Variants in CCDC192 observed in about 807,000 individuals in gnomAD.
CCDC192 encodes coiled-coil domain containing 192.
chr5:127,737,027 G>A (rs1390815172), intron 2 of CCDC192, among the ~76,000 whole-genome samples: 5 of 151,212 alleles, frequency 3.3e-5, no homozygotes, highest in Non-Finnish European at 5.9e-5. Flanking sequence ...ATGTTAGGGT[G>A]TCAATTTTGG....
intron 5 of CCDC192, among the ~76,000 whole-genome samples, chr5:127,843,568 G>T (rs1247888269): frequency 1.3e-5 from 2 of 151,826 alleles, no homozygotes; most frequent in Admixed American, 6.6e-5. Context: ...CTCCCGAGTA[G>T]CTGGTATTAC....
At chr5:127,851,005 G>A (rs1307005750) in intron 5 of CCDC192, among the ~76,000 whole-genome samples, 1 of 152,014 alleles carries the variant, frequency 6.6e-6, no homozygotes, top group African/African-American at 2.4e-5. Context: ...AGCATCAGAA[G>A]CAGAGGTTGC....
chr5:127,842,923 A>T (rs992166056), intron 5 of CCDC192, among the ~76,000 whole-genome samples: 1 of 151,994 alleles, frequency 6.6e-6, no homozygotes, highest in Non-Finnish European at 1.5e-5. Context: ...CTTCCTGGAC[A>T]TACTGCCTAT....
At chr5:127,917,186 T>C (rs1222065329) in intron 6 of CCDC192, among the ~76,000 whole-genome samples, 2 of 152,236 alleles carry the variant, frequency 1.3e-5, no homozygotes, top group East Asian at 3.8e-4. Context: ...CTTCCTCACC[T>C]CTCTCAGCCT....
intron 2 of CCDC192, among the ~76,000 whole-genome samples, chr5:127,719,548 T>TACACACAC (rs1561445038): frequency 5.5e-5 from 2 of 36,404 alleles, no homozygotes; most frequent in South Asian, 8.2e-4. Flanking sequence ...TATATATATA[T>TACACACAC]ATATATATAT....
chr5:127,917,011 T>C (rs1468559788), intron 6 of CCDC192, among the ~76,000 whole-genome samples: 3 of 152,248 alleles, frequency 2.0e-5, no homozygotes, highest in African/African-American at 7.2e-5. Context: ...TGTTCTTTAG[T>C]GTAGCCTCCT....
intron 3 of CCDC192, among the ~76,000 whole-genome samples, chr5:127,781,775 A>G (rs1756240468): frequency 6.6e-6 from 1 of 152,114 alleles, no homozygotes; most frequent in African/African-American, 2.4e-5. Flanking sequence ...CAATCATGTC[A>G]TCAGCCAACA....
At chr5:127,831,890 A>G (rs193244112) in intron 5 of CCDC192, among the ~76,000 whole-genome samples, 1 of 152,242 alleles carries the variant, frequency 6.6e-6, no homozygotes, top group East Asian at 1.9e-4. Context: ...TACAAGGAAA[A>G]TCAAAACATT....
At chr5:127,777,892 ACCT>A (rs1001138411) in intron 3 of CCDC192, among the ~76,000 whole-genome samples, 2 of 145,868 alleles carry the variant, frequency 1.4e-5, no homozygotes, top group African/African-American at 5.1e-5. Context: ...AGTACATGAA[ACCT>A]CCTTTTTTTT....
chr5:127,788,486 TTTAA>T (rs1756689298), intron 3 of CCDC192, among the ~76,000 whole-genome samples: 2 of 152,216 alleles, frequency 1.3e-5, no homozygotes, highest in African/African-American at 4.8e-5. Flanking sequence ...AGTTTCTGTC[TTTAA>T]TTGGGAGTCA....
chr5:127,721,654 T>G (rs925828501), intron 2 of CCDC192, among the ~76,000 whole-genome samples: 10 of 152,214 alleles, frequency 6.6e-5, no homozygotes. Flanking sequence ...ATTTTCTGCA[T>G]TAGTCCATTC....
chr5:127,803,217 G>A (rs552271248), intron 5 of CCDC192, among the ~76,000 whole-genome samples: 6 of 152,116 alleles, frequency 3.9e-5, no homozygotes, highest in Non-Finnish European at 8.8e-5. Context: ...GGAGATGAAA[G>A]CCTTAACATT....
intron 6 of CCDC192, among the ~76,000 whole-genome samples, chr5:127,918,391 C>T (rs1282430718): frequency 6.6e-6 from 1 of 152,064 alleles, no homozygotes; most frequent in East Asian, 1.9e-4. Flanking sequence ...ATTATTGACA[C>T]AAACCATGTT....
At chr5:127,836,483 A>G (rs1013327942) in intron 5 of CCDC192, among the ~76,000 whole-genome samples, 13 of 152,168 alleles carry the variant, frequency 8.5e-5, no homozygotes, top group Admixed American at 5.9e-4. Flanking sequence ...GGGGGCTCCA[A>G]TCCCACATTT....
At chr5:127,717,928 CAAAAAAAA>C in intron 2 of CCDC192, among the ~76,000 whole-genome samples, 5 of 98,054 alleles carry the variant, frequency 5.1e-5, no homozygotes, top group Non-Finnish European at 8.2e-5. Flanking sequence ...TAAAGCTAGA[CAAAAAAAA>C]AAAAAAAAAG....
intron 2 of CCDC192, among the ~76,000 whole-genome samples, chr5:127,721,678 A>C (rs1752028406): frequency 6.6e-6 from 1 of 152,226 alleles, no homozygotes; most frequent in Non-Finnish European, 1.5e-5. Context: ...AATTGCTATA[A>C]AGAACTACCT....
intron 2 of CCDC192, among the ~76,000 whole-genome samples, chr5:127,719,222 C>T (rs1263415174): frequency 6.6e-6 from 1 of 151,908 alleles, no homozygotes. Context: ...TTGAAAAGGA[C>T]AGGATATCGT....
chr5:127,760,611 C>T (rs546669963), intron 3 of CCDC192, among the ~76,000 whole-genome samples: 1 of 144,354 alleles, frequency 6.9e-6, no homozygotes, highest in South Asian at 2.2e-4. Context: ...CCCATCTCTA[C>T]TAAAAAATAC....
At chr5:127,913,757 G>T (rs562050839) in intron 6 of CCDC192, among the ~76,000 whole-genome samples, 3 of 152,214 alleles carry the variant, frequency 2.0e-5, no homozygotes, top group Non-Finnish European at 4.4e-5. Context: ...GATAAAACCA[G>T]ATGAACTGCC....
Sources: allele counts gnomAD v4.1 joint callset (sites outside exome capture counted in the v4.1 genomes callset), GRCh38; gene constraint gnomAD v4.1.1; transcripts MANE v1.5; gene names NCBI Gene and HGNC (gene_info 2026-07-23, HGNC 2026-07-21).